Variants in SMAGP observed in about 807,000 individuals in gnomAD.
SMAGP encodes the protein small cell transmembrane and glycosylated protein.
A neutral mutation model predicts 10.1 loss-of-function variants in SMAGP; 7 were observed. The ratio of observed to expected loss-of-function variants is 0.70; its 90% CI spans 0.40 to 1.31. SMAGP has a LOEUF of 1.31. Ranked by LOEUF, SMAGP falls within the 50% of genes most tolerant of loss-of-function variation. The pLI is 0.01. For missense variants in SMAGP, 113 were observed against 116.5 expected (o/e 0.97, Z 0.14); for synonymous variants, 49 against 47.2 (o/e 1.04, Z -0.16).
At chr12:51,255,844 T>G (rs912587207) in intron 2 of SMAGP, among the ~76,000 whole-genome samples, 5 of 152,204 alleles carry the variant, frequency 3.3e-5, no homozygotes, top group African/African-American at 1.2e-4. Context: ...TGATCTCAGC[T>G]TATTGCAGCC....
intron 2 of SMAGP, among the ~76,000 whole-genome samples, chr12:51,268,877 C>T (rs1053818384): frequency 6.6e-6 from 1 of 152,056 alleles, no homozygotes; most frequent in Non-Finnish European, 1.5e-5. Flanking sequence ...TGAGCCACCA[C>T]GCCCGGCCTC....
intron 2 of SMAGP, among the ~76,000 whole-genome samples, chr12:51,264,227 CCTAT>C (rs1007188549): frequency 6.6e-6 from 1 of 152,162 alleles, no homozygotes; most frequent in Non-Finnish European, 1.5e-5. Context: ...AAGCTTTCTT[CCTAT>C]CTGTGATTTC....
At chr12:51,261,920 T>G (rs1015333505) in intron 2 of SMAGP, among the ~76,000 whole-genome samples, 12 of 119,412 alleles carry the variant, frequency 1.0e-4, no homozygotes, top group African/African-American at 3.3e-4. Context: ...GTAGTAGGAC[T>G]GCATCTTTGT....
At chr12:51,256,064 C>T (rs1388775421) in intron 2 of SMAGP, among the ~76,000 whole-genome samples, 1 of 152,142 alleles carries the variant, frequency 6.6e-6, no homozygotes, top group Non-Finnish European at 1.5e-5. Flanking sequence ...AGCTACCGTG[C>T]CCAACCCCTT....
rs773370153 is a variant in SMAGP, at chr12:51,269,285, T to C, written c.-7A>G. On this transcript the variant is annotated 5_prime_UTR_variant, in exon 2 of 4. Transcript: ENST00000603798. ...TAGTCAGGAGGCTGGTCATTGTCAC[T>C]AGTGGTTGAGTTTCTTGGAGAAGAG... The C allele has an allele frequency of 4.3e-6, 7 of 1,613,736 alleles. No homozygotes were observed. Among genetic ancestry groups the C allele is most frequent in the Non-Finnish European group, 5.9e-6 (7 of 1,179,808 alleles).
At chr12:51,260,206 CTTTTTTTTTTTT>C (rs1274632737) in intron 2 of SMAGP, among the ~76,000 whole-genome samples, 2 of 104,916 alleles carry the variant, frequency 1.9e-5, no homozygotes, top group Non-Finnish European at 4.0e-5. Flanking sequence ...GTCATGGTTT[CTTTTTTTTTTTT>C]TTTTTTTTTT....
intron 2 of SMAGP, among the ~76,000 whole-genome samples, chr12:51,250,110 C>T (rs1944821914): frequency 6.7e-6 from 1 of 150,316 alleles, no homozygotes; most frequent in Admixed American, 6.7e-5. Flanking sequence ...TGGCTCATGC[C>T]TGTAATCCCA....
intron 2 of SMAGP, among the ~76,000 whole-genome samples, chr12:51,255,944 T>C (rs1944881170): frequency 6.6e-6 from 1 of 152,120 alleles, no homozygotes; most frequent in African/African-American, 2.4e-5. Context: ...GCTAATTTTG[T>C]ATTTTTAGTA....
chr12:51,254,210 CCT>C (rs1318514158), intron 2 of SMAGP, among the ~76,000 whole-genome samples: 1 of 151,896 alleles, frequency 6.6e-6, no homozygotes, highest in Non-Finnish European at 1.5e-5. Context: ...ATTAAAAAAC[CCT>C]CTGTTTATAT....
intron 2 of SMAGP, 110 bp from the exon 3 acceptor site, chr12:51,246,941 T>C (rs532125354): frequency 9.0e-5 from 63 of 698,558 alleles, no homozygotes; most frequent in Non-Finnish European, 1.3e-4. Context: ...TTCAAAAGTT[T>C]ATCATTTAAC....
chr12:51,269,112 A>T, intron 2 of SMAGP, 133 bp downstream of exon 2: 1 of 923,328 alleles, frequency 1.1e-6, no homozygotes, highest in Non-Finnish European at 1.7e-6. Context: ...GCTTCCTCCC[A>T]GGCCCTTCCT....
At chr12:51,246,639 TA>T (rs1944776213) in intron 3 of SMAGP, 111 bp downstream of exon 3, 1 of 626,210 alleles carries the variant, frequency 1.6e-6, no homozygotes, top group East Asian at 3.1e-5. Context: ...TGTGTGTGTG[TA>T]ATATAACTTA....
chr12:51,264,136 G>A (rs1472581588), intron 2 of SMAGP, among the ~76,000 whole-genome samples: 1 of 152,154 alleles, frequency 6.6e-6, no homozygotes, highest in Non-Finnish European at 1.5e-5. Flanking sequence ...GGAGGAATAG[G>A]TGGGAAGGTG....
intron 2 of SMAGP, among the ~76,000 whole-genome samples, chr12:51,267,649 A>G (rs115577237): frequency 0.085 from 12,908 of 151,962 alleles, 589 homozygotes; most frequent in Non-Finnish European, 0.11. Context: ...GTCTACCACC[A>G]AGCCCGGCTA....
intron 2 of SMAGP, among the ~76,000 whole-genome samples, chr12:51,260,360 T>TC (rs1324639465): frequency 1.3e-5 from 2 of 151,410 alleles, no homozygotes; most frequent in Non-Finnish European, 2.9e-5. Flanking sequence ...GCCGGCTGAT[T>TC]GTTTTTTTTG....
rs200318702 is a variant in SMAGP at position 51,244,990 on chromosome 12, A to AT, written c.*950dup. On this transcript the variant is annotated 3_prime_UTR_variant, in exon 4 of 4. Coordinates refer to ENST00000603798, the MANE Select transcript of SMAGP (RefSeq NM_001031628.2). ...TGGGCGCCCGCCACCACGCCCAGCT[A>AT]TTTTTTTTATATATTTTTAGTAGAG... The AT allele has an allele frequency of 2.7e-3, 418 of 152,106 alleles. 19 individuals carry two copies. In the East Asian group the frequency reaches 0.065, roughly 24 times the overall value. 9.4% of individuals were successfully genotyped at this position (152,106 alleles called of 1,614,324 possible). A position where few individuals can be genotyped will look rare whatever the true frequency, so the allele number is the denominator to read the frequency against.
chr12:51,249,032 A>G (rs187830842), intron 2 of SMAGP, among the ~76,000 whole-genome samples: 57 of 151,968 alleles, frequency 3.8e-4, no homozygotes, highest in African/African-American at 1.4e-3. Flanking sequence ...GTGAGCTGAG[A>G]TCGCGCCACT....
chr12:51,252,093 A>C (rs1172078404), intron 2 of SMAGP, among the ~76,000 whole-genome samples: 5 of 124,164 alleles, frequency 4.0e-5, no homozygotes, highest in Non-Finnish European at 1.8e-5. Flanking sequence ...ACTCTACATC[A>C]GATTTTTTTT....
At chr12:51,246,493 C>G in intron 3 of SMAGP, 1 of 446,086 alleles carries the variant, frequency 2.2e-6, no homozygotes, top group Non-Finnish European at 4.0e-6. Flanking sequence ...ATATCCTCGT[C>G]CCTACCCACG....
Sources: gnomAD v4.1 joint callset for allele counts (sites outside exome capture counted in the v4.1 genomes callset) on GRCh38, gnomAD v4.1.1 for gene constraint, MANE v1.5 for transcripts, NCBI Gene and HGNC (gene_info 2026-07-23, HGNC 2026-07-21) for gene names.